EPHA6: variants seen among roughly 807,000 people sequenced by gnomAD.
EPHA6 encodes the protein ephrin type-A receptor 6.
Under a neutral mutation model 112.0 loss-of-function variants are expected in EPHA6, and 50 were observed. That is an observed-to-expected ratio of 0.45 (90% CI 0.36 to 0.56). EPHA6 has a LOEUF of 0.56. Among genes scored for constraint, EPHA6 ranks in the 20% least tolerant of loss-of-function variants. The probability of loss-of-function intolerance (pLI) is 0.00; values close to 1 mark genes in which losing one functional copy is unlikely to be tolerated. For synonymous variants in EPHA6, 529 were observed against 490.7 expected (o/e 1.08, Z -1.03); for missense variants, 1,280 against 1,417.4 (o/e 0.90, Z 1.56).
chr3:97,717,257 A>T (rs866584088), intron 14 of EPHA6, among the ~76,000 whole-genome samples: 6 of 151,314 alleles, frequency 4.0e-5, no homozygotes, highest in Non-Finnish European at 7.4e-5. Context: ...AAAAGACAAC[A>T]GTTGAAATAA....
intron 5 of EPHA6, among the ~76,000 whole-genome samples, chr3:97,371,125 T>A (rs2085028647): frequency 6.6e-6 from 1 of 152,076 alleles, no homozygotes; most frequent in Non-Finnish European, 1.5e-5. Context: ...TCCTAAAGCT[T>A]TTTCGTTACC....
intron 5 of EPHA6, among the ~76,000 whole-genome samples, chr3:97,330,213 T>C (rs1266404721): frequency 1.3e-5 from 2 of 152,162 alleles, no homozygotes; most frequent in African/African-American, 2.4e-5. Flanking sequence ...CTGTTTTGGT[T>C]ACTGTAGCCT....
intron 3 of EPHA6, among the ~76,000 whole-genome samples, chr3:96,995,181 G>GTGTGTTT (rs2043375187): frequency 6.6e-6 from 1 of 151,974 alleles, no homozygotes; most frequent in Non-Finnish European, 1.5e-5. Context: ...AAACATTTAT[G>GTGTGTTT]CTGTGTGTTT....
chr3:97,279,440 A>G (rs1387771540), intron 5 of EPHA6, among the ~76,000 whole-genome samples: 1 of 152,072 alleles, frequency 6.6e-6, no homozygotes, highest in Non-Finnish European at 1.5e-5. Context: ...AAAATGAGCC[A>G]TCATAAGCAT....
At chr3:97,286,510 T>C (rs548994693) in intron 5 of EPHA6, among the ~76,000 whole-genome samples, 3 of 152,324 alleles carry the variant, frequency 2.0e-5, no homozygotes, top group East Asian at 3.9e-4. Flanking sequence ...CCCCAGTGTA[T>C]GTTCCTGGCA....
At chr3:97,232,702 A>G (rs988408687) in intron 4 of EPHA6, among the ~76,000 whole-genome samples, 6 of 152,200 alleles carry the variant, frequency 3.9e-5, no homozygotes, top group Admixed American at 3.9e-4. Context: ...GGAACAAAAG[A>G]AAGTACACTT....
At chr3:97,181,083 G>C (rs1049276426) in intron 3 of EPHA6, among the ~76,000 whole-genome samples, 4 of 152,048 alleles carry the variant, frequency 2.6e-5, no homozygotes, top group African/African-American at 9.7e-5. Flanking sequence ...GCTGGTGTTG[G>C]TTTAAATGAT....
chr3:97,550,117 A>G (rs1451331866), intron 11 of EPHA6, among the ~76,000 whole-genome samples: 2 of 152,338 alleles, frequency 1.3e-5, no homozygotes, highest in East Asian at 3.9e-4. Context: ...TAGGAGGCCA[A>G]GTCAATTCCA....
At chr3:97,301,948 G>A (rs1375056269) in intron 5 of EPHA6, among the ~76,000 whole-genome samples, 1 of 152,064 alleles carries the variant, frequency 6.6e-6, no homozygotes, top group Non-Finnish European at 1.5e-5. Context: ...GGCTTAGAAT[G>A]TATAATAAAG....
chr3:97,071,663 GA>G (rs2046361996), intron 3 of EPHA6, among the ~76,000 whole-genome samples: 1 of 152,102 alleles, frequency 6.6e-6, no homozygotes, highest in Admixed American at 6.6e-5. Context: ...CAACATGTGA[GA>G]ATTCTGGGAG....
rs1015308794 is a variant in EPHA6, at chr3:97,196,653, T to G, written c.1115-29611T>G. 6.4e-4 allele frequency among the ~76,000 whole-genome samples: 98 copies of G among 152,130 alleles called. 1 individual carries two copies. The highest frequency in any genetic ancestry group is 5.8e-3 in the Admixed American group (89 of 15,258). On this transcript the variant is annotated intron_variant, in intron 3 of 17. Coordinates refer to ENST00000389672, the MANE Select transcript of EPHA6 (RefSeq NM_001080448.3). ...CTAAGTATTCAACGGGAATTGAGTA[T>G]TGTGATCTGTCTTTGGTACTGCAGC...
At chr3:97,215,443 G>A (rs965255558) in intron 3 of EPHA6, among the ~76,000 whole-genome samples, 1 of 151,992 alleles carries the variant, frequency 6.6e-6, no homozygotes, top group African/African-American at 2.4e-5. Context: ...AAGAGAAATT[G>A]TTGTATAAGA....
chr3:97,052,465 G>A (rs1377169977), intron 3 of EPHA6, among the ~76,000 whole-genome samples: 1 of 151,972 alleles, frequency 6.6e-6, no homozygotes, highest in East Asian at 1.9e-4. Context: ...CTTGAAGAAA[G>A]AGACTATGCT....
chr3:97,216,190 C>T lies in EPHA6; in HGVS notation c.1115-10074C>T, dbSNP rs535830324. On this transcript the variant is annotated intron_variant, in intron 3 of 17. Transcript: ENST00000389672. Reference sequence around the variant, plus strand: ...TGCTTCTGGTGAGGGGCTCAGGAAGCTTCTAATTATGGTAGAAGGAGAAGC... The same window carrying T: ...TGCTTCTGGTGAGGGGCTCAGGAAGTTTCTAATTATGGTAGAAGGAGAAGC... 2.0e-5 allele frequency among the ~76,000 whole-genome samples: 3 copies of T among 152,260 alleles called. No individual in the cohort carries two copies. The East Asian group carries it at 5.8e-4, about 29-fold the overall frequency.
At chr3:97,033,102 G>A (rs2044938501) in intron 3 of EPHA6, among the ~76,000 whole-genome samples, 1 of 151,900 alleles carries the variant, frequency 6.6e-6, no homozygotes, top group Admixed American at 6.6e-5. Flanking sequence ...CACAACCGAG[G>A]AATACAGGGA....
Position 97,327,979 on chromosome 3 carries a change from GCA to G in EPHA6, c.1607-77170_1607-77169del, listed in dbSNP as rs1559887818. Among the ~76,000 whole-genome samples the G allele has an allele frequency of 9.5e-3, 1,236 of 130,526 alleles. 61 individuals are homozygous for G. Among genetic ancestry groups the G allele is most frequent in the African/African-American group, 0.038 (1,048 of 27,670 alleles). 85.6% of individuals were successfully genotyped at this position (130,526 alleles called of 152,430 possible). A position where few individuals can be genotyped will look rare whatever the true frequency, so the allele number is the denominator to read the frequency against. ...TCTGTGTGTATATATATGTATATGT[GCA>G]TATATATGTATATGTGTATGTATAT... is the stretch of plus-strand genomic sequence containing the variant. On this transcript the variant is annotated intron_variant, in intron 5 of 17. Coordinates refer to ENST00000389672, the MANE Select transcript of EPHA6 (RefSeq NM_001080448.3).
rs76353288 is a variant in EPHA6 at position 96,915,999 on chromosome 3, C to A, written c.450+49110C>A. Among the ~76,000 whole-genome samples, 167 of 152,142 alleles carry A rather than the reference C, an allele frequency of 1.1e-3. 4 individuals carry two copies. In the East Asian group the frequency reaches 0.027, roughly 25 times the overall value. On this transcript the variant is annotated intron_variant, in intron 2 of 17. Coordinates refer to ENST00000389672, the MANE Select transcript of EPHA6 (RefSeq NM_001080448.3). ...TAAACTAAAATGTTAAAGATGCTTT[C>A]TATTTCAATATGGTTTTAAATATAT...
intron 5 of EPHA6, among the ~76,000 whole-genome samples, chr3:97,288,629 A>G (rs1200776444): frequency 6.6e-6 from 1 of 152,084 alleles, no homozygotes; most frequent in Non-Finnish European, 1.5e-5. Context: ...TGGTAGTTCT[A>G]AGTTCTTCAA....
In EPHA6 at chr3:97,457,269, C is replaced by T. The variant is rs562515560; in HGVS notation, c.1894+8539C>T. On this transcript the variant is annotated intron_variant, in intron 7 of 17. Coordinates refer to ENST00000389672, the MANE Select transcript of EPHA6 (RefSeq NM_001080448.3). ...TCTAGCTGGTTGTAGAGTATCATAG[C>T]GATGATATATAAATGTGGTTCTTAC... Among the ~76,000 whole-genome samples the T allele has an allele frequency of 1.4e-3, 217 of 152,164 alleles. 1 individual carries two copies. The highest frequency in any genetic ancestry group is 6.8e-3 in the Middle Eastern group (2 of 294).
Sources: allele counts gnomAD v4.1 joint callset (sites outside exome capture counted in the v4.1 genomes callset), GRCh38; gene constraint gnomAD v4.1.1; transcripts MANE v1.5; gene names NCBI Gene and HGNC (gene_info 2026-07-23, HGNC 2026-07-21).